KIF17: variants seen among roughly 807,000 people sequenced by gnomAD.
KIF17 encodes kinesin family member 17, also known as kinesin-like protein KIF17.
A neutral mutation model predicts 96.8 loss-of-function variants in KIF17; 80 were observed. The observed-to-expected ratio is 0.83, with a 90% CI of 0.69 to 1.00. The LOEUF is 1.00. KIF17 is among the 50% of genes least tolerant of loss of function. The probability of loss-of-function intolerance (pLI) is 0.00; values close to 1 mark genes in which losing one functional copy is unlikely to be tolerated. For synonymous variants in KIF17, 567 were observed against 587.5 expected, an observed-to-expected ratio of 0.97 and a Z score of 0.51; for missense variants, 1,280 against 1,372.9, an observed-to-expected ratio of 0.93 and a Z score of 1.07.
intron 6 of KIF17, among the ~76,000 whole-genome samples, chr1:20,690,732 G>A (rs1225688699): frequency 6.6e-6 from 1 of 151,706 alleles, no homozygotes; most frequent in Admixed American, 6.6e-5. Flanking sequence ...TGTCGCCCAG[G>A]CTGGAGTGCA....
intron 7 of KIF17, among the ~76,000 whole-genome samples, chr1:20,688,179 T>C (rs926294114): frequency 7.2e-5 from 11 of 152,080 alleles, no homozygotes; most frequent in Non-Finnish European, 1.2e-4. Flanking sequence ...CCCGAGTAGC[T>C]GGGAGTACAG....
Position 20,685,060 on chromosome 1 carries a change from G to C in KIF17, c.2020-40C>G. On this transcript the variant is annotated intron_variant, in intron 9 of 14. Coordinates refer to ENST00000400463, the MANE Select transcript of KIF17 (RefSeq NM_001122819.3). The surrounding 1 kb of genome is among the most constrained non-coding windows in gnomAD (Gnocchi z 4.1). Reference sequence around the variant, plus strand: ...AAACCCAGGTGGAGGTGGGAAGGCCGCCCCAACCCCCGCCGACAGCTCCCA... The same window carrying C: ...AAACCCAGGTGGAGGTGGGAAGGCCCCCCCAACCCCCGCCGACAGCTCCCA... The C allele has an allele frequency of 6.6e-7, 1 of 1,508,204 alleles. No homozygotes were observed. The highest frequency in any genetic ancestry group is 2.4e-5 in the East Asian group (1 of 40,936). 93.4% of individuals were successfully genotyped at this position (1,508,204 alleles called of 1,614,324 possible). A position where few individuals can be genotyped will look rare whatever the true frequency, so the allele number is the denominator to read the frequency against.
At chr1:20,707,787 A>ATATGTGTG (rs372420148) in intron 4 of KIF17, among the ~76,000 whole-genome samples, 51 of 124,568 alleles carry the variant, frequency 4.1e-4, no homozygotes, top group African/African-American at 1.6e-3. Flanking sequence ...ACCAATGTGT[A>ATATGTGTG]TGTGTGTGTG....
downstream of KIF17, among the ~76,000 whole-genome samples, chr1:20,662,052 A>G (rs2053444211): frequency 6.6e-6 from 1 of 152,210 alleles, no homozygotes; most frequent in Non-Finnish European, 1.5e-5. Flanking sequence ...CGGGCATTGC[A>G]CTTCTCTCCA....
intron 2 of KIF17, among the ~76,000 whole-genome samples, chr1:20,714,811 A>C (rs995726581): frequency 9.9e-5 from 15 of 151,842 alleles, no homozygotes; most frequent in African/African-American, 2.4e-4. Flanking sequence ...AAAAAAAAAA[A>C]AAAACACCTG....
chr1:20,670,319 G>T, intron 13 of KIF17, 102 bp downstream of exon 13: 1 of 1,155,764 alleles, frequency 8.7e-7, no homozygotes, highest in Non-Finnish European at 1.3e-6. Context: ...TTAGGCGGGA[G>T]GAAAGTGGAA....
intron 3 of KIF17, among the ~76,000 whole-genome samples, chr1:20,712,802 A>T (rs2054485606): frequency 6.2e-5 from 6 of 97,096 alleles, no homozygotes; most frequent in African/African-American, 2.4e-4. Flanking sequence ...ATAAATAGAT[A>T]ATATCTATAT....
intron 6 of KIF17, among the ~76,000 whole-genome samples, chr1:20,697,493 G>A (rs1421896541): frequency 6.6e-6 from 1 of 152,162 alleles, no homozygotes; most frequent in Non-Finnish European, 1.5e-5. Flanking sequence ...TGTGGTCCCA[G>A]CTACTTGGGA....
intron 5 of KIF17, among the ~76,000 whole-genome samples, chr1:20,698,709 A>T (rs1228670266): frequency 6.6e-6 from 1 of 152,202 alleles, no homozygotes; most frequent in African/African-American, 2.4e-5. Flanking sequence ...TTGAACAAAG[A>T]CAAAAACTCC....
rs897988656 is a variant in KIF17 at position 20,713,637 on chromosome 1, C to G, written c.379-82G>C. On this transcript the variant is annotated intron_variant, in intron 2 of 14. Coordinates refer to ENST00000400463, the MANE Select transcript of KIF17 (RefSeq NM_001122819.3). ...CAGGTCTGACCCTGGGGCCTGGGCC[C>G]TCTGCCACCAGGACATCATGGGAGG... The G allele has an allele frequency of 5.9e-6, 6 of 1,010,638 alleles. No individual in the cohort carries two copies. In the African/African-American group the frequency reaches 7.9e-5, roughly 13 times the overall value. The allele number at this position is 1,010,638 out of a possible 1,614,324, so 62.6% of individuals were successfully genotyped here.
At position 20,688,031 on chromosome 1, in the gene KIF17, G is replaced by GT. The variant is rs537155013; in HGVS notation, c.1382-88dup. 283 of 1,076,208 alleles carry GT rather than the reference G, an allele frequency of 2.6e-4. No homozygotes were observed. The African/African-American group carries it at 3.0e-3, about 11-fold the overall frequency. 66.7% of individuals were successfully genotyped at this position (1,076,208 alleles called of 1,614,324 possible). ...AAGGTGGCTCCAAGCCCAGTGTGTT[G>GT]TTTTTTTTGTTTGTTTTTTTTTTGT... is the stretch of plus-strand genomic sequence containing the variant. On this transcript the variant is annotated intron_variant, in intron 7 of 14. Transcript: ENST00000400463.
rs866945161 is a variant in KIF17 at position 20,712,882 on chromosome 1, A to C, written c.480+572T>G. Reference sequence around the variant, plus strand: ...TCTATATTATAGATATTATCTATATATAATATAGATAATATTATCTATATT... The same window carrying C: ...TCTATATTATAGATATTATCTATATCTAATATAGATAATATTATCTATATT... On this transcript the variant is annotated intron_variant, in intron 3 of 14. Transcript: ENST00000400463. Among the ~76,000 whole-genome samples the C allele has an allele frequency of 4.7e-3, 394 of 83,216 alleles. 39 individuals are homozygous for C. Among genetic ancestry groups the C allele is most frequent in the African/African-American group, 0.022 (367 of 17,046 alleles). The allele number at this position is 83,216 out of a possible 152,430, so 54.6% of individuals were successfully genotyped here. A position where few individuals can be genotyped will look rare whatever the true frequency, so the allele number is the denominator to read the frequency against.
At chr1:20,714,606 G>A (rs34909110) in intron 2 of KIF17, among the ~76,000 whole-genome samples, 7,821 of 152,054 alleles carry the variant, frequency 0.051, 224 homozygotes, top group Middle Eastern at 0.071. Context: ...AGACCAACCT[G>A]GCCAACATGG....
At chr1:20,665,871 A>C (rs1557578597) in intron 14 of KIF17, among the ~76,000 whole-genome samples, 2 of 152,096 alleles carry the variant, frequency 1.3e-5, no homozygotes, top group Non-Finnish European at 2.9e-5. Flanking sequence ...CTGGCGTGTG[A>C]CTCGCCAGGA....
chr1:20,715,480 G>A lies in KIF17; in HGVS notation c.378+13C>T, dbSNP rs757768316. On this transcript the variant is annotated intron_variant, in intron 2 of 14. Coordinates refer to ENST00000400463, the MANE Select transcript of KIF17 (RefSeq NM_001122819.3). ...AGCTCTGGCCCTGCCCCTTCCCTCT[G>A]CGAGGCCCGTACCTGGACGCTCTCG... The A allele has an allele frequency of 1.9e-6, 3 of 1,610,758 alleles. No homozygotes were observed. The highest frequency in any genetic ancestry group is 1.7e-6 in the Non-Finnish European group (2 of 1,179,966).
chr1:20,670,869 T>C (rs2053636779), intron 12 of KIF17, among the ~76,000 whole-genome samples: 2 of 152,048 alleles, frequency 1.3e-5, no homozygotes, highest in Admixed American at 1.3e-4. Flanking sequence ...GGAGGACTCC[T>C]GGGGGGCACT....
chr1:20,704,604 T>C lies in KIF17; in HGVS notation c.966A>G (p.Thr322=), dbSNP rs747138930. The C allele has an allele frequency of 5.0e-6, 8 of 1,614,012 alleles. No homozygotes were observed. The highest frequency in any genetic ancestry group is 1.7e-5 in the Admixed American group (1 of 60,006). The stretch of plus-strand genomic sequence containing the variant: ...GGTTGGCGTAGCGCAGCGTGCTGAG[T>C]GTCTCATCGTAGTTGTTGTCCGCAG... ...LSPADNNYDE[T]LSTLRYANRA... The change falls in exon 5 of 15, where the codon ACA becomes ACG. Residue 322 remains threonine, a synonymous_variant. Coordinates refer to ENST00000400463, the MANE Select transcript of KIF17 (RefSeq NM_001122819.3). This position sits in a 1 kb window ranked among gnomAD's most constrained non-coding sequence, Gnocchi z 6.8.
At chr1:20,695,006 G>A (rs981956448) in intron 6 of KIF17, among the ~76,000 whole-genome samples, 7 of 151,986 alleles carry the variant, frequency 4.6e-5, no homozygotes, top group Non-Finnish European at 8.8e-5. Flanking sequence ...ACATATATGC[G>A]CACACACACA....
intron 11 of KIF17, 71 bp downstream of exon 11, chr1:20,682,582 G>A: frequency 1.5e-6 from 2 of 1,309,252 alleles, no homozygotes; most frequent in Admixed American, 1.7e-5. Flanking sequence ...ACAAGGTGTA[G>A]GGATGCCTGG....
Sources: allele counts gnomAD v4.1 joint callset (sites outside exome capture counted in the v4.1 genomes callset), GRCh38; gene constraint gnomAD v4.1.1; non-coding constraint Gnocchi (gnomAD v3.1); transcripts MANE v1.5; gene names NCBI Gene and HGNC (gene_info 2026-07-23, HGNC 2026-07-21).